CACNA2D3: variants seen among roughly 807,000 people sequenced by gnomAD.
CACNA2D3 encodes the protein voltage-dependent calcium channel subunit alpha-2/delta-3.
A neutral mutation model predicts 160.6 loss-of-function variants in CACNA2D3; 60 were observed. That is an observed-to-expected ratio of 0.37 (90% CI 0.30 to 0.46). CACNA2D3 has a LOEUF of 0.46. Ranked by LOEUF, CACNA2D3 falls within the 20% of genes least tolerant of loss-of-function variation. The pLI, the probability that CACNA2D3 is intolerant of heterozygous loss-of-function variation, is 1.00. For missense variants in CACNA2D3, 1,205 were observed against 1,365.0 expected (o/e 0.88, Z 1.85); for synonymous variants, 558 against 492.9 (o/e 1.13, Z -1.75).
rs1046630009 is a variant in CACNA2D3, at chr3:54,944,043, G to T, written c.2450-24407G>T. On this transcript the variant is annotated intron_variant, in intron 27 of 37. Coordinates refer to ENST00000474759, the MANE Select transcript of CACNA2D3 (RefSeq NM_018398.3). ...AGAATACCTGGCTGAAAATCATTTTGAATTTTGAAGGCATTGCTCCATTTT... is the reference window on the plus strand; with the variant it reads ...AGAATACCTGGCTGAAAATCATTTTTAATTTTGAAGGCATTGCTCCATTTT... Among the ~76,000 whole-genome samples the T allele has an allele frequency of 2.0e-4, 30 of 152,068 alleles. 1 individual carries two copies. The highest frequency in any genetic ancestry group is 4.4e-5 in the Non-Finnish European group (3 of 68,016).
intron 11 of CACNA2D3, among the ~76,000 whole-genome samples, chr3:54,660,156 T>TC (rs1447349679): frequency 6.6e-6 from 1 of 151,334 alleles, no homozygotes; most frequent in African/African-American, 2.4e-5. Context: ...TTTTTTTTTT[T>TC]CTTTTTATTT....
At chr3:54,145,600 C>T (rs1168274813) in intron 2 of CACNA2D3, among the ~76,000 whole-genome samples, 2 of 152,218 alleles carry the variant, frequency 1.3e-5, no homozygotes, top group African/African-American at 4.8e-5. Flanking sequence ...TCCCCACATC[C>T]TGGGGGCTCT....
intron 2 of CACNA2D3, among the ~76,000 whole-genome samples, chr3:54,196,861 C>T (rs1701090510): frequency 6.6e-6 from 1 of 152,182 alleles, no homozygotes. Flanking sequence ...TAAGATAATG[C>T]ATGCGTCCGA....
intron 11 of CACNA2D3, among the ~76,000 whole-genome samples, chr3:54,720,464 T>C (rs1209582739): frequency 2.0e-5 from 3 of 152,108 alleles, no homozygotes. Context: ...GAATACCTTC[T>C]ATATTATGTC....
At chr3:54,856,598 A>G in intron 17 of CACNA2D3, among the ~76,000 whole-genome samples, 1 of 152,212 alleles carries the variant, frequency 6.6e-6, no homozygotes, top group South Asian at 2.1e-4. Flanking sequence ...TGGTGTTTTC[A>G]TTCTCATAGA....
At position 55,028,222 on chromosome 3, in the gene CACNA2D3, TA is replaced by T. The variant is rs1298776063; in HGVS notation, c.2987+9906del. Among the ~76,000 whole-genome samples the T allele has an allele frequency of 5.3e-5, 8 of 152,326 alleles. No individual in the cohort carries two copies. In the East Asian group the frequency reaches 1.3e-3, roughly 26 times the overall value. On this transcript the variant is annotated intron_variant, in intron 35 of 37. Transcript: ENST00000474759. ...TGGCAACTCCAAAAGTGGACATTTG[TA>T]TGTCTATAGCATAGACAGATCTGTT...
At chr3:54,864,336 C>T (rs1699356205) in intron 17 of CACNA2D3, among the ~76,000 whole-genome samples, 1 of 151,760 alleles carries the variant, frequency 6.6e-6, no homozygotes, top group African/African-American at 2.4e-5. Flanking sequence ...TGCGGTGGCA[C>T]AATCTCAGCC....
rs1432516718 is a variant in CACNA2D3, at chr3:54,918,412, A to G, written c.2449+18544A>G. 5 of 1,551,860 alleles carry G rather than the reference A, an allele frequency of 3.2e-6. No homozygotes were observed. The African/African-American group carries it at 7.2e-5, about 22-fold the overall frequency. ...GGAAACACATCAGCCCTACTCAGAC[A>G]CTATCTTCTGGCCTGCAATGACCAA... On this transcript the variant is annotated intron_variant, in intron 27 of 37. Coordinates refer to ENST00000474759, the MANE Select transcript of CACNA2D3 (RefSeq NM_018398.3).
chr3:54,448,069 A>G (rs1700250028), intron 4 of CACNA2D3, among the ~76,000 whole-genome samples: 1 of 152,144 alleles, frequency 6.6e-6, no homozygotes, highest in African/African-American at 2.4e-5. Context: ...GGCTCAGACG[A>G]CACCAGAATC....
intron 35 of CACNA2D3, among the ~76,000 whole-genome samples, chr3:55,021,661 GTGTGTATATATATA>G (rs1703455409): frequency 7.2e-6 from 1 of 138,364 alleles, no homozygotes; most frequent in East Asian, 2.0e-4. Flanking sequence ...ATATATATGT[GTGTGTATATATATA>G]TGTGTATATA....
At chr3:54,426,191 G>A (rs1699909892) in intron 4 of CACNA2D3, among the ~76,000 whole-genome samples, 1 of 152,158 alleles carries the variant, frequency 6.6e-6, no homozygotes, top group African/African-American at 2.4e-5. Context: ...ACAGCTGGTA[G>A]ACACATTATT....
intron 3 of CACNA2D3, among the ~76,000 whole-genome samples, chr3:54,346,204 A>G (rs1698455799): frequency 6.6e-6 from 1 of 152,144 alleles, no homozygotes; most frequent in South Asian, 2.1e-4. Flanking sequence ...AAAACATGGC[A>G]TGGAGGTGAG....
intron 4 of CACNA2D3, among the ~76,000 whole-genome samples, chr3:54,491,010 T>C (rs1701100445): frequency 6.6e-6 from 1 of 152,174 alleles, no homozygotes; most frequent in South Asian, 2.1e-4. Flanking sequence ...GAGGCACATA[T>C]AAGGAATATA....
At chr3:54,765,742 C>A (rs981511990) in intron 13 of CACNA2D3, among the ~76,000 whole-genome samples, 1 of 152,048 alleles carries the variant, frequency 6.6e-6, no homozygotes, top group Non-Finnish European at 1.5e-5. Flanking sequence ...GACACAGTTT[C>A]TACAATTAAA....
chr3:54,797,294 G>A (rs1333517246), intron 13 of CACNA2D3, among the ~76,000 whole-genome samples: 1 of 152,122 alleles, frequency 6.6e-6, no homozygotes, highest in Non-Finnish European at 1.5e-5. Context: ...CTTTGTTCAG[G>A]AATGTTCTAA....
chr3:54,467,386 C>T (rs1336476554), intron 4 of CACNA2D3, among the ~76,000 whole-genome samples: 2 of 152,110 alleles, frequency 1.3e-5, no homozygotes, highest in Non-Finnish European at 2.9e-5. Flanking sequence ...GTGGAAAGGA[C>T]ACAGTAAAAG....
chr3:54,905,046 AG>A (rs1229445824), intron 27 of CACNA2D3, among the ~76,000 whole-genome samples: 1 of 152,196 alleles, frequency 6.6e-6, no homozygotes, highest in Admixed American at 6.5e-5. Context: ...GATAAAAAGG[AG>A]TATAGACACC....
intron 11 of CACNA2D3, among the ~76,000 whole-genome samples, chr3:54,695,463 A>C (rs530570125): frequency 6.6e-6 from 1 of 151,718 alleles, no homozygotes; most frequent in African/African-American, 2.4e-5. Flanking sequence ...ATACAAATGC[A>C]TGAGTGGTTC....
At chr3:54,988,502 C>G (rs1410061753) in intron 31 of CACNA2D3, among the ~76,000 whole-genome samples, 1 of 152,108 alleles carries the variant, frequency 6.6e-6, no homozygotes, top group Admixed American at 6.5e-5. Flanking sequence ...CTTGGCCTCC[C>G]AGGAAGAATG....
Sources: allele counts gnomAD v4.1 joint callset (sites outside exome capture counted in the v4.1 genomes callset), GRCh38; gene constraint gnomAD v4.1.1; transcripts MANE v1.5; gene names NCBI Gene and HGNC (gene_info 2026-07-23, HGNC 2026-07-21).